Variants in CCNY observed in about 807,000 individuals in gnomAD.
CCNY encodes the protein cyclin Y.
Under a neutral mutation model 42.8 loss-of-function variants are expected in CCNY, and 19 were observed. The observed-to-expected ratio is 0.44, with a 90% CI of 0.31 to 0.65. The LOEUF is 0.65. Among genes scored for constraint, CCNY ranks in the 30% least tolerant of loss-of-function variants. The pLI is 0.07. For missense variants in CCNY, 370 were observed against 437.3 expected (o/e 0.85, Z 1.37); for synonymous variants, 165 against 162.7 (o/e 1.01, Z -0.11).
intron 1 of CCNY, among the ~76,000 whole-genome samples, chr10:35,341,389 G>T (rs1171642303): frequency 6.6e-6 from 1 of 152,224 alleles, no homozygotes; most frequent in Non-Finnish European, 1.5e-5. Flanking sequence ...CCGCCCACTG[G>T]CAATCCCAAT....
chr10:35,331,680 T>C (rs1835946181), upstream of CCNY, among the ~76,000 whole-genome samples: 1 of 152,250 alleles, frequency 6.6e-6, no homozygotes, highest in Non-Finnish European at 1.5e-5. Flanking sequence ...GACTTGACAC[T>C]ACTACTTAAA....
At chr10:35,406,482 C>G (rs1013889581) in intron 1 of CCNY, among the ~76,000 whole-genome samples, 1 of 151,998 alleles carries the variant, frequency 6.6e-6, no homozygotes, top group Non-Finnish European at 1.5e-5. Context: ...ACATCTTGCA[C>G]CGCCCTTAAT....
intron 1 of CCNY, among the ~76,000 whole-genome samples, chr10:35,368,446 T>G (rs1261826093): frequency 6.6e-6 from 1 of 152,260 alleles, no homozygotes; most frequent in African/African-American, 2.4e-5. Flanking sequence ...TTTTTTGCCA[T>G]TCTTTATCTG....
chr10:35,401,524 T>C (rs1379107932), intron 1 of CCNY, among the ~76,000 whole-genome samples: 1 of 152,162 alleles, frequency 6.6e-6, no homozygotes, highest in Non-Finnish European at 1.5e-5. Flanking sequence ...TTTTTTTTTT[T>C]TCTTAGGAGG....
chr10:35,443,808 G>A (rs1838727391), intron 1 of CCNY, among the ~76,000 whole-genome samples: 1 of 152,172 alleles, frequency 6.6e-6, no homozygotes, highest in South Asian at 2.1e-4. Flanking sequence ...ATTTGGAGGT[G>A]TTTTTGCCTT....
At chr10:35,489,366 T>C (rs1839852062) in intron 2 of CCNY, among the ~76,000 whole-genome samples, 2 of 152,214 alleles carry the variant, frequency 1.3e-5, no homozygotes, top group South Asian at 4.1e-4. Context: ...GGTGGCACTA[T>C]CTTGGCTCAC....
At chr10:35,299,914 T>C (rs1009357289) in intron 3 of CCNY, among the ~76,000 whole-genome samples, 4 of 152,226 alleles carry the variant, frequency 2.6e-5, no homozygotes, top group African/African-American at 9.6e-5. Context: ...AACACTCCTT[T>C]TTTAAAAACA....
chr10:35,380,158 C>G (rs115505366), intron 1 of CCNY, among the ~76,000 whole-genome samples: 3,336 of 152,288 alleles, frequency 0.022, 116 homozygotes, highest in African/African-American at 0.075. Context: ...CTGCCAGGTA[C>G]CAGTCTTAGA....
At chr10:35,330,463 T>C (rs1835929385) in intron 3 of CCNY, among the ~76,000 whole-genome samples, 1 of 152,188 alleles carries the variant, frequency 6.6e-6, no homozygotes, top group African/African-American at 2.4e-5. Context: ...ACAATACCTA[T>C]CATCTGGGGG....
At chr10:35,344,514 A>G (rs372814397) in intron 1 of CCNY, among the ~76,000 whole-genome samples, 1 of 152,168 alleles carries the variant, frequency 6.6e-6, no homozygotes. Flanking sequence ...ACATGGTGAA[A>G]ACTGGTCTTT....
At chr10:35,564,475 C>T (rs561697779) in intron 8 of CCNY, among the ~76,000 whole-genome samples, 2 of 152,278 alleles carry the variant, frequency 1.3e-5, no homozygotes, top group Admixed American at 6.5e-5. Flanking sequence ...GAGCCCTCCT[C>T]AGTCCTTCAT....
intron 1 of CCNY, among the ~76,000 whole-genome samples, chr10:35,439,386 G>T (rs1193959402): frequency 1.3e-5 from 2 of 151,992 alleles, no homozygotes; most frequent in African/African-American, 4.8e-5. Flanking sequence ...TCTTTCTTCT[G>T]TTCTGCTGTT....
intron 5 of CCNY, 71 bp from the exon 6 acceptor site, chr10:35,529,902 T>G: frequency 7.4e-6 from 10 of 1,342,950 alleles, no homozygotes; most frequent in Non-Finnish European, 1.1e-5. Context: ...TGAATTAAAA[T>G]GTATTTTTGT....
intron 1 of CCNY, among the ~76,000 whole-genome samples, chr10:35,362,589 T>A (rs182205435): frequency 0.017 from 2,493 of 150,980 alleles, 56 homozygotes; most frequent in East Asian, 0.056. Flanking sequence ...TTTTTTTTTT[T>A]AATTCTCCAA....
intron 1 of CCNY, among the ~76,000 whole-genome samples, chr10:35,366,839 T>C (rs1284009873): frequency 6.6e-6 from 1 of 152,244 alleles, no homozygotes; most frequent in East Asian, 1.9e-4. Flanking sequence ...GAATTTTAAA[T>C]CTTACTTAAT....
chr10:35,283,635 C>T lies in CCNY; in HGVS notation c.-9+33009C>T, dbSNP rs958209555. 5.9e-5 allele frequency among the ~76,000 whole-genome samples: 9 copies of T among 152,144 alleles called. No individual in the cohort carries two copies. In the East Asian group the frequency reaches 1.7e-3, roughly 29 times the overall value. On this transcript the variant is annotated intron_variant, in intron 3 of 11. Transcript: ENST00000374706. ...AGCCAGGATGGTCTCCATCTGCTGA[C>T]CTTGTGATCCACCAGCCTTGGCCTC...
At chr10:35,482,257 C>A (rs1347253608) in intron 1 of CCNY, among the ~76,000 whole-genome samples, 1 of 151,994 alleles carries the variant, frequency 6.6e-6, no homozygotes, top group Non-Finnish European at 1.5e-5. Flanking sequence ...CTAAGGATAG[C>A]CCCTTCTGTT....
intron 1 of CCNY, among the ~76,000 whole-genome samples, chr10:35,382,300 G>A (rs772160285): frequency 5.9e-5 from 9 of 152,168 alleles, no homozygotes; most frequent in Non-Finnish European, 1.0e-4. Flanking sequence ...CAAGCTTCAG[G>A]CCTGTCTGCA....
At chr10:35,551,645 A>G (rs1159985645) in intron 7 of CCNY, among the ~76,000 whole-genome samples, 2 of 152,204 alleles carry the variant, frequency 1.3e-5, no homozygotes, top group Admixed American at 1.3e-4. Flanking sequence ...GAGTTCTACT[A>G]TGGGAAACTA....
Sources: gnomAD v4.1 joint callset for allele counts (sites outside exome capture counted in the v4.1 genomes callset) on GRCh38, gnomAD v4.1.1 for gene constraint, MANE v1.5 for transcripts, NCBI Gene and HGNC (gene_info 2026-07-23, HGNC 2026-07-21) for gene names.